Variants in MAGI2 observed in about 807,000 individuals in gnomAD.
MAGI2 encodes the protein membrane-associated guanylate kinase, WW and PDZ domain-containing protein 2.
MAGI2 carries 35 observed loss-of-function variants against 133.3 expected under a neutral mutation model. That is an observed-to-expected ratio of 0.26 (90% CI 0.20 to 0.35). The LOEUF (loss-of-function observed/expected upper bound fraction) is 0.35, where lower values mean the gene tolerates loss of function less well. Ranked by LOEUF, MAGI2 falls within the 10% of genes least tolerant of loss-of-function variation. MAGI2 has a pLI of 1.00. For synonymous variants in MAGI2, 729 were observed against 710.6 expected, an observed-to-expected ratio of 1.03 and a Z score of -0.41; for missense variants, 1,636 against 1,863.4, an observed-to-expected ratio of 0.88 and a Z score of 2.25.
chr7:78,792,945 C>T (rs1787300177), intron 2 of MAGI2, among the ~76,000 whole-genome samples: 1 of 152,162 alleles, frequency 6.6e-6, no homozygotes. Context: ...GATGTTAATA[C>T]GTCAGCACAC....
chr7:79,378,861 T>C (rs1256578899), intron 1 of MAGI2, among the ~76,000 whole-genome samples: 3 of 146,132 alleles, frequency 2.1e-5, no homozygotes, highest in African/African-American at 7.5e-5. Context: ...GTTTCATTCT[T>C]TCTCCTTCTC....
intron 2 of MAGI2, among the ~76,000 whole-genome samples, chr7:78,807,669 G>A (rs1281015044): frequency 2.0e-5 from 3 of 152,186 alleles, no homozygotes; most frequent in Non-Finnish European, 4.4e-5. Flanking sequence ...TTAAGGCACT[G>A]AGGGTACTCC....
intron 2 of MAGI2, among the ~76,000 whole-genome samples, chr7:78,693,092 A>T (rs886294623): frequency 7.9e-5 from 12 of 152,274 alleles, no homozygotes; most frequent in African/African-American, 2.9e-4. Flanking sequence ...ATGGTAGAAA[A>T]GTGCGCCTCT....
chr7:79,083,344 G>T (rs1308961269), intron 1 of MAGI2, among the ~76,000 whole-genome samples: 5 of 150,602 alleles, frequency 3.3e-5, no homozygotes, highest in African/African-American at 4.9e-5. Context: ...ATTAGGTTGA[G>T]GGTATTCTCT....
At chr7:78,586,343 C>T (rs1222321443) in intron 3 of MAGI2, among the ~76,000 whole-genome samples, 2 of 152,066 alleles carry the variant, frequency 1.3e-5, no homozygotes, top group Non-Finnish European at 2.9e-5. Context: ...AGCAGGAGTT[C>T]CAGCTAAGAG....
intron 1 of MAGI2, among the ~76,000 whole-genome samples, chr7:79,090,120 C>T (rs566295188): frequency 1.2e-4 from 18 of 152,034 alleles, no homozygotes; most frequent in Non-Finnish European, 1.9e-4. Context: ...TTACTTAAAA[C>T]AACTCAAATT....
At chr7:78,089,137 C>T (rs768454797) in intron 20 of MAGI2, among the ~76,000 whole-genome samples, 7 of 152,172 alleles carry the variant, frequency 4.6e-5, no homozygotes, top group African/African-American at 9.7e-5. Context: ...TGAAACAAAC[C>T]GATTTCAGAC....
intron 1 of MAGI2, among the ~76,000 whole-genome samples, chr7:79,437,850 T>C (rs1004538889): frequency 6.6e-6 from 1 of 152,172 alleles, no homozygotes. Flanking sequence ...TTATAAGTGA[T>C]AAATTAATAT....
intron 10 of MAGI2, among the ~76,000 whole-genome samples, chr7:78,210,108 T>C (rs1056890662): frequency 6.6e-6 from 1 of 152,220 alleles, no homozygotes; most frequent in African/African-American, 2.4e-5. Flanking sequence ...ATTATATTTA[T>C]TAGATCATAT....
At chr7:78,269,191 G>A (rs1468015355) in intron 9 of MAGI2, among the ~76,000 whole-genome samples, 3 of 152,124 alleles carry the variant, frequency 2.0e-5, no homozygotes. Flanking sequence ...ATCACTGATG[G>A]GCATTTGGGT....
intron 2 of MAGI2, among the ~76,000 whole-genome samples, chr7:78,934,538 C>T (rs1432209416): frequency 6.6e-6 from 1 of 152,288 alleles, no homozygotes; most frequent in East Asian, 1.9e-4. Context: ...CGATACCAAA[C>T]AACCACAGAC....
chr7:79,246,514 A>G (rs1832829567), intron 1 of MAGI2, among the ~76,000 whole-genome samples: 1 of 152,228 alleles, frequency 6.6e-6, no homozygotes, highest in South Asian at 2.1e-4. Flanking sequence ...AGACATACTG[A>G]ACAATGCATC....
chr7:79,023,861 C>A (rs2116720316), intron 1 of MAGI2, among the ~76,000 whole-genome samples: 1 of 152,204 alleles, frequency 6.6e-6, no homozygotes, highest in East Asian at 1.9e-4. Context: ...GAAAAATATT[C>A]CATGCTCATG....
chr7:78,508,671 T>C (rs889443928), intron 4 of MAGI2, among the ~76,000 whole-genome samples: 25 of 152,258 alleles, frequency 1.6e-4, no homozygotes, highest in Non-Finnish European at 3.2e-4. Context: ...AAGCATGCTC[T>C]CGCACACATC....
At chr7:79,076,189 A>G (rs1815447870) in intron 1 of MAGI2, among the ~76,000 whole-genome samples, 1 of 152,156 alleles carries the variant, frequency 6.6e-6, no homozygotes, top group Non-Finnish European at 1.5e-5. Context: ...GCCATCTCAA[A>G]TCACTTCAAA....
Position 78,256,093 on chromosome 7 carries a change from C to G in MAGI2, c.1897G>C (p.Asp633His), listed in dbSNP as rs747328733. The G allele has an allele frequency of 6.2e-7, 1 of 1,613,684 alleles. No individual in the cohort carries two copies. The highest frequency in any genetic ancestry group is 1.1e-5 in the South Asian group (1 of 90,990). ...CACAGGCCAGGGCATCCCTGAATGTCAAGTATTTGTTTCACCCGCTGTCCT... is the reference window on the plus strand; with the variant it reads ...CACAGGCCAGGGCATCCCTGAATGTGAAGTATTTGTTTCACCCGCTGTCCT... ...PTGQRVKQIL[D>H]IQGCPGLCEG... The change falls in exon 10 of 22, where the codon GAC (aspartate) becomes CAC (histidine). Residue 633 changes from aspartate (D) to histidine (H), a missense_variant. Asp to His is a moderately conservative substitution (Grantham distance 81). Coordinates refer to ENST00000354212, the MANE Select transcript of MAGI2 (RefSeq NM_012301.4).
intron 2 of MAGI2, among the ~76,000 whole-genome samples, chr7:78,870,560 G>T (rs146063125): frequency 6.6e-6 from 1 of 152,054 alleles, no homozygotes; most frequent in Non-Finnish European, 1.5e-5. Context: ...AAATATTGGC[G>T]TGGATGTTGT....
At chr7:79,289,699 T>G (rs1311978401) in intron 1 of MAGI2, among the ~76,000 whole-genome samples, 3 of 152,168 alleles carry the variant, frequency 2.0e-5, no homozygotes, top group Non-Finnish European at 4.4e-5. Flanking sequence ...GCTCATCCAC[T>G]TCTCGAGATA....
intron 9 of MAGI2, among the ~76,000 whole-genome samples, chr7:78,284,902 A>G (rs1458729426): frequency 6.6e-5 from 10 of 152,168 alleles, no homozygotes; most frequent in Non-Finnish European, 1.5e-5. Context: ...TCATTCCAGA[A>G]ATAAGTACAG....
Sources: allele counts gnomAD v4.1 joint callset (sites outside exome capture counted in the v4.1 genomes callset), GRCh38; gene constraint gnomAD v4.1.1; transcripts MANE v1.5; gene names NCBI Gene and HGNC (gene_info 2026-07-23, HGNC 2026-07-21).